USH2A: variants seen among roughly 807,000 people sequenced by gnomAD.
USH2A encodes Usher syndrome 2A (autosomal recessive, mild).
Under a neutral mutation model 538.9 loss-of-function variants are expected in USH2A, and 443 were observed. The observed-to-expected ratio is 0.82, with a 90% confidence interval of 0.76 to 0.89. The LOEUF is 0.89. Among genes scored for constraint, USH2A ranks in the 40% least tolerant of loss-of-function variants. The pLI, the probability that USH2A is intolerant of heterozygous loss-of-function variation, is 0.00. For missense variants in USH2A, 6,633 were observed against 6,324.8 expected (o/e 1.05, Z -1.65); for synonymous variants, 2,413 against 2,273.5 (o/e 1.06, Z -1.75).
chr1:215,916,720 T>C (rs554791152), intron 38 of USH2A, among the ~76,000 whole-genome samples: 54 of 151,994 alleles, frequency 3.6e-4, no homozygotes, highest in Non-Finnish European at 6.5e-4. Context: ...AGGAGTAATA[T>C]AGAAAGGGGG....
chr1:216,041,812 T>C (rs942084231), intron 32 of USH2A, among the ~76,000 whole-genome samples: 1 of 152,034 alleles, frequency 6.6e-6, no homozygotes, highest in African/African-American at 2.4e-5. Flanking sequence ...TCACTATAAC[T>C]AGTACTTTAA....
rs764356214 is a variant in USH2A, at chr1:215,970,792, T to C, written c.6806-16A>G. 1.2e-6 allele frequency: 2 copies of C among 1,612,808 alleles called. No individual in the cohort carries two copies. The highest frequency in any genetic ancestry group is 1.7e-5 in the Admixed American group (1 of 59,948). The stretch of plus-strand genomic sequence containing the variant: ...GTGATAACACCTGGGAAGATAATAA[T>C]TGCCTTTCAGTATGACTACTAGACA... On this transcript the variant is annotated splice_polypyrimidine_tract_variant and intron_variant, in intron 35 of 71. Coordinates refer to ENST00000307340, the MANE Select transcript of USH2A (RefSeq NM_206933.4).
chr1:215,888,567 T>C lies in USH2A; in HGVS notation c.8082A>G (p.Thr2694=), dbSNP rs749549844. ...IDKTSALSPW[T]KYEYRVLMST... ...TCATCAGTACCCGATATTCATATTT[T>C]GTCCATGGGCTAAGAGCAGAAGTCT... Residue 2694 remains threonine (T), a synonymous_variant, in exon 41 of 72, where the codon ACA becomes ACG. Transcript: ENST00000307340. The C allele has an allele frequency of 1.2e-6, 2 of 1,614,194 alleles. No homozygotes were observed. Among genetic ancestry groups the C allele is most frequent in the Non-Finnish European group, 1.7e-6 (2 of 1,180,014 alleles).
At chr1:215,863,359 G>A (rs1214677980) in intron 44 of USH2A, among the ~76,000 whole-genome samples, 1 of 152,156 alleles carries the variant, frequency 6.6e-6, no homozygotes, top group Non-Finnish European at 1.5e-5. Flanking sequence ...GAGGAACAAG[G>A]TGAGGCAACA....
In USH2A at chr1:216,020,054, T is replaced by C. The variant is rs2102500329; in HGVS notation, c.6326-19492A>G. On this transcript the variant is annotated intron_variant, in intron 32 of 71. Coordinates refer to ENST00000307340, the MANE Select transcript of USH2A (RefSeq NM_206933.4). The stretch of plus-strand genomic sequence containing the variant: ...ATCATTTCTGTAGAATGATGAGCTT[T>C]TCTCTTTTAAAACAGCAATTTTCAA... 1.3e-5 allele frequency among the ~76,000 whole-genome samples: 2 copies of C among 152,326 alleles called. 1 individual carries two copies.
intron 38 of USH2A, among the ~76,000 whole-genome samples, chr1:215,914,176 C>T (rs1336490843): frequency 1.1e-4 from 17 of 148,938 alleles, no homozygotes; most frequent in Non-Finnish European, 5.9e-5. Flanking sequence ...TAGGTTCGAG[C>T]GATTCTTCTG....
rs781685696 is a variant in USH2A at position 215,888,968 on chromosome 1, C to T, written c.7681G>A (p.Gly2561Arg). 12 of 1,614,080 alleles carry T rather than the reference C, an allele frequency of 7.4e-6. 1 individual carries two copies. The highest frequency in any genetic ancestry group is 3.3e-5 in the Admixed American group (2 of 60,016). ...VTWQHPRKSN[G>R]VITHYNIYLH... ...TAAATGTTATAATGGGTAATAACCC[C>T]ATTGGATTTTCTAGGATGCTGCCAG... is the stretch of plus-strand genomic sequence containing the variant. The change falls in exon 41 of 72, where the codon GGG becomes AGG. Residue 2561 changes from glycine (G) to arginine (R), a missense_variant. Gly to Arg is a moderately radical substitution (Grantham distance 125). Coordinates refer to ENST00000307340, the MANE Select transcript of USH2A (RefSeq NM_206933.4).
chr1:216,068,014 G>A lies in USH2A; in HGVS notation c.6049+2087C>T, dbSNP rs1037444966. ...TTAGAAGAAGTGAGCAAAGGACACT[G>A]AGAACAGGGCCCCTGGAGAACCAGG... is the stretch of plus-strand genomic sequence containing the variant. On this transcript the variant is annotated intron_variant, in intron 30 of 71. Coordinates refer to ENST00000307340, the MANE Select transcript of USH2A (RefSeq NM_206933.4). Among the ~76,000 whole-genome samples the A allele has an allele frequency of 2.8e-4, 42 of 152,206 alleles. 1 individual carries two copies. Among genetic ancestry groups the A allele is most frequent in the African/African-American group, 9.6e-4 (40 of 41,454 alleles).
At chr1:216,131,348 AT>A (rs2033371826) in intron 21 of USH2A, among the ~76,000 whole-genome samples, 1 of 151,692 alleles carries the variant, frequency 6.6e-6, no homozygotes, top group Non-Finnish European at 1.5e-5. Flanking sequence ...TTTTTACTGC[AT>A]TTGCTTCTGA....
At chr1:216,284,282 C>A (rs1468380488) in intron 11 of USH2A, among the ~76,000 whole-genome samples, 2 of 152,076 alleles carry the variant, frequency 1.3e-5, no homozygotes, top group Non-Finnish European at 1.5e-5. Flanking sequence ...TGGGAGGAAC[C>A]AGGTGGAGAT....
At chr1:215,971,352 T>A (rs1477502036) in intron 35 of USH2A, among the ~76,000 whole-genome samples, 1 of 152,178 alleles carries the variant, frequency 6.6e-6, no homozygotes, top group Non-Finnish European at 1.5e-5. Flanking sequence ...CATCTCTTTA[T>A]ATGACCAGGT....
At chr1:216,306,487 C>T (rs2037319365) in intron 9 of USH2A, among the ~76,000 whole-genome samples, 1 of 152,120 alleles carries the variant, frequency 6.6e-6, no homozygotes, top group Non-Finnish European at 1.5e-5. Flanking sequence ...AATAATCAAC[C>T]TTCTGAGTTC....
chr1:216,117,857 T>C (rs975818534), intron 21 of USH2A, among the ~76,000 whole-genome samples: 9 of 150,712 alleles, frequency 6.0e-5, no homozygotes, highest in Non-Finnish European at 1.0e-4. Flanking sequence ...CACAGATATA[T>C]ATATGCATGT....
In USH2A at chr1:215,998,987, T is replaced by G. The variant is rs867309717; in HGVS notation, c.6557A>C (p.Asp2186Ala). The G allele has an allele frequency of 1.2e-6, 2 of 1,612,794 alleles. No homozygotes were observed. The highest frequency in any genetic ancestry group is 3.3e-4 in the Middle Eastern group (2 of 6,052). ...YVLYMSNHTH[D>A]FTIWSVIYNS... ...ATAGATGACACTCCAAATTGTAAAA[T>G]CATGTGTATGGTTTGACATATATAA... The change falls in exon 34 of 72, where the codon GAT (aspartate) becomes GCT (alanine). Residue 2186 changes from aspartate (D) to alanine (A), a missense_variant. Physicochemically the swap from Asp to Ala is moderately radical, Grantham distance 126. Transcript: ENST00000307340.
At chr1:216,044,098 T>C (rs2030414075) in intron 32 of USH2A, among the ~76,000 whole-genome samples, 1 of 152,132 alleles carries the variant, frequency 6.6e-6, no homozygotes. Context: ...AATATAGTTG[T>C]GTCCTTAATG....
chr1:216,311,426 GAA>G (rs973056208), intron 9 of USH2A, among the ~76,000 whole-genome samples: 10 of 152,212 alleles, frequency 6.6e-5, no homozygotes, highest in African/African-American at 2.2e-4. Context: ...CTACAAATGT[GAA>G]AGTCAGGTTT....
At chr1:216,365,621 A>G (rs1199857859) in intron 3 of USH2A, among the ~76,000 whole-genome samples, 1 of 152,166 alleles carries the variant, frequency 6.6e-6, no homozygotes, top group Non-Finnish European at 1.5e-5. Context: ...TGCCAATCAT[A>G]TTCTAGACTA....
chr1:215,704,685 C>T (rs1659134056), intron 61 of USH2A, among the ~76,000 whole-genome samples: 1 of 152,206 alleles, frequency 6.6e-6, no homozygotes, highest in South Asian at 2.1e-4. Context: ...TTACAACACA[C>T]TCTTCAATGA....
chr1:215,878,295 T>A (rs1054901577), intron 42 of USH2A, among the ~76,000 whole-genome samples: 2 of 152,144 alleles, frequency 1.3e-5, no homozygotes, highest in African/African-American at 4.8e-5. Flanking sequence ...CAAGTTTGGG[T>A]GGTTGCAAAA....
Sources: gnomAD v4.1 joint callset for allele counts (sites outside exome capture counted in the v4.1 genomes callset) on GRCh38, gnomAD v4.1.1 for gene constraint, MANE v1.5 for transcripts, NCBI Gene and HGNC (gene_info 2026-07-23, HGNC 2026-07-21) for gene names.